KIF18A: variants seen among roughly 807,000 people sequenced by gnomAD.
The protein encoded by KIF18A is kinesin family member 18A.
Under a neutral mutation model 103.3 loss-of-function variants are expected in KIF18A, and 67 were observed. The ratio of observed to expected loss-of-function variants is 0.65; its 90% CI spans 0.53 to 0.79. The LOEUF (loss-of-function observed/expected upper bound fraction) is 0.79. Among genes scored for constraint, KIF18A ranks in the 30% least tolerant of loss-of-function variants. The probability of loss-of-function intolerance (pLI) is 0.00; values close to 1 mark genes in which losing one functional copy is unlikely to be tolerated. For synonymous variants in KIF18A, 367 were observed against 355.5 expected (o/e 1.03, Z -0.36); for missense variants, 1,032 against 1,062.5 (o/e 0.97, Z 0.40).
chr11:28,048,870 T>C (rs1025640635), intron 13 of KIF18A, among the ~76,000 whole-genome samples: 1 of 151,988 alleles, frequency 6.6e-6, no homozygotes, highest in African/African-American at 2.4e-5. Context: ...AAACAAGCAT[T>C]TGAAATTGAT....
chr11:28,039,970 C>T (rs1179087554), intron 13 of KIF18A, among the ~76,000 whole-genome samples: 1 of 151,646 alleles, frequency 6.6e-6, no homozygotes. Flanking sequence ...ACTACTTAGG[C>T]TGATTAGTTG....
At chr11:28,029,638 C>G (rs1450116528) in intron 15 of KIF18A, among the ~76,000 whole-genome samples, 1 of 152,240 alleles carries the variant, frequency 6.6e-6, no homozygotes, top group East Asian at 1.9e-4. Context: ...GATGCCCTCT[C>G]TCACCACTCC....
In KIF18A at chr11:28,107,857, G is replaced by T. The variant is rs138702418; in HGVS notation, c.-47+207C>A. ...CCTGCCCTTCCAGCTGAGCAGTCGAGGATTACGGTCAAGCAGAGCTGTGCT... is the reference window on the plus strand; with the variant it reads ...CCTGCCCTTCCAGCTGAGCAGTCGATGATTACGGTCAAGCAGAGCTGTGCT... On this transcript the variant is annotated intron_variant, in intron 1 of 16. Coordinates refer to ENST00000263181, the MANE Select transcript of KIF18A (RefSeq NM_031217.4). Among the ~76,000 whole-genome samples the T allele has an allele frequency of 3.0e-4, 46 of 152,240 alleles. No homozygotes were observed. In the Middle Eastern group the frequency reaches 0.01, roughly 34 times the overall value.
At position 28,033,121 on chromosome 11, in the gene KIF18A, G is replaced by A. The variant is rs979131870; in HGVS notation, c.2504+2266C>T. 9.2e-5 allele frequency among the ~76,000 whole-genome samples: 14 copies of A among 151,702 alleles called. 1 individual carries two copies. Among genetic ancestry groups the A allele is most frequent in the Non-Finnish European group, 1.9e-4 (13 of 67,870 alleles). On this transcript the variant is annotated intron_variant, in intron 15 of 16. Coordinates refer to ENST00000263181, the MANE Select transcript of KIF18A (RefSeq NM_031217.4). ...TTATGAAAAGGTACTCAACATCACT[G>A]ATTATCAGAAAAATGTAAATCAAAA...
chr11:28,069,617 G>C (rs370531698), intron 10 of KIF18A, among the ~76,000 whole-genome samples, 194 bp from the exon 11 acceptor site: 1 of 151,774 alleles, frequency 6.6e-6, no homozygotes, highest in African/African-American at 2.4e-5. Context: ...ATTGAGCTGT[G>C]AGTCATTTTT....
intron 8 of KIF18A, 54 bp from the exon 9 acceptor site, chr11:28,083,022 C>T (rs1851184751): frequency 1.4e-6 from 2 of 1,450,672 alleles, no homozygotes; most frequent in Non-Finnish European, 1.9e-6. Context: ...TACATGGCCA[C>T]AGCCAAATTT....
At chr11:28,036,180 TAA>T in intron 14 of KIF18A, 35 bp downstream of exon 14, 1 of 1,357,940 alleles carries the variant, frequency 7.4e-7, no homozygotes, top group Non-Finnish European at 1.0e-6. Context: ...AAGTCTATGT[TAA>T]AAAAAAAGAA....
chr11:28,077,324 T>C lies in KIF18A; in HGVS notation c.1263-155A>G, dbSNP rs542975553. 1.6e-4 allele frequency among the ~76,000 whole-genome samples: 25 copies of C among 152,188 alleles called. No individual in the cohort carries two copies. Among genetic ancestry groups the C allele is most frequent in the African/African-American group, 4.8e-4 (20 of 41,458 alleles). On this transcript the variant is annotated intron_variant, in intron 9 of 16. Coordinates refer to ENST00000263181, the MANE Select transcript of KIF18A (RefSeq NM_031217.4). ...AATAGGTAAAAATGACTATTTCCTA[T>C]TATAAAAAATGTTTAGAAAAAGTTA...
chr11:28,036,060 AATTAAT>A (rs2133495834), intron 14 of KIF18A, among the ~76,000 whole-genome samples, 151 bp downstream of exon 14: 1 of 151,648 alleles, frequency 6.6e-6, no homozygotes, highest in African/African-American at 2.4e-5. Flanking sequence ...TTTGTTAGTG[AATTAAT>A]ATTCAGAGAG....
chr11:28,041,450 A>G (rs1030072434), intron 13 of KIF18A, among the ~76,000 whole-genome samples: 1 of 151,748 alleles, frequency 6.6e-6, no homozygotes, highest in South Asian at 2.1e-4. Context: ...AGCTCGAGGA[A>G]AAGAGGCTAG....
chr11:28,035,409 T>C lies in KIF18A; in HGVS notation c.2482A>G (p.Lys828Glu). 5 of 1,599,046 alleles carry C rather than the reference T, an allele frequency of 3.1e-6. No homozygotes were observed. The highest frequency in any genetic ancestry group is 4.3e-6 in the Non-Finnish European group (5 of 1,171,162). ...PSYMAMTTAA[K>E]RKRKLTSSTS... The stretch of plus-strand genomic sequence containing the variant: ...TACCTTGTTAATTTCCGTTTCCTTT[T>C]GGCAGCAGTAGTCATTGCCATGTAG... Residue 828 changes from lysine to glutamate, a missense_variant, in exon 15 of 17, where the codon AAA (lysine) becomes GAA (glutamate). By Grantham distance (56) the Lys-to-Glu change is moderately conservative. Coordinates refer to ENST00000263181, the MANE Select transcript of KIF18A (RefSeq NM_031217.4).
chr11:28,097,906 T>A lies in KIF18A; in HGVS notation c.42A>T (p.Val14=). ...TEEDLCHHMK[V]VVRVRPENTK... Reference sequence around the variant, plus strand: ...TGTTTTCCGGACGTACACGAACTACTACTTTCATATGGTGGCACAGGTCTT... The same window carrying A: ...TGTTTTCCGGACGTACACGAACTACAACTTTCATATGGTGGCACAGGTCTT... The change falls in exon 2 of 17, where the codon GTA becomes GTT. Residue 14 remains valine (V), a synonymous_variant. Transcript: ENST00000263181. The A allele has an allele frequency of 6.2e-7, 1 of 1,601,568 alleles. No individual in the cohort carries two copies. The highest frequency in any genetic ancestry group is 8.5e-7 in the Non-Finnish European group (1 of 1,174,820).
At chr11:28,034,462 A>G (rs1850455094) in intron 15 of KIF18A, among the ~76,000 whole-genome samples, 1 of 151,702 alleles carries the variant, frequency 6.6e-6, no homozygotes, top group African/African-American at 2.4e-5. Flanking sequence ...AGGGATCTCA[A>G]ATAAAATCCT....
chr11:28,105,259 C>T (rs1851489862), intron 1 of KIF18A, among the ~76,000 whole-genome samples: 1 of 152,124 alleles, frequency 6.6e-6, no homozygotes, highest in Admixed American at 6.5e-5. Flanking sequence ...TAAAGTCACA[C>T]AACTGAGGAA....
Position 28,094,786 on chromosome 11 carries a change from C to G in KIF18A, c.340G>C (p.Ala114Pro), listed in dbSNP as rs1411099738. 1 of 1,613,898 alleles carries G rather than the reference C, an allele frequency of 6.2e-7. No individual in the cohort carries two copies. Among genetic ancestry groups the G allele is most frequent in the East Asian group, 2.2e-5 (1 of 44,858 alleles). ...GTGTGGGTCTTCCCAGCACCAGTGG[C>G]ACCATAGGCAAGTACTGAGTTTTTA... is the stretch of plus-strand genomic sequence containing the variant. ...GYNCTVLAYG[A>P]TGAGKTHTML... Residue 114 changes from alanine (A) to proline (P), a missense_variant, in exon 3 of 17, where the codon GCC becomes CCC. By Grantham distance (27) the Ala-to-Pro change is conservative (BLOSUM62 -1). Transcript: ENST00000263181.
At chr11:28,086,344 C>T (rs965858545) in intron 6 of KIF18A, among the ~76,000 whole-genome samples, 4 of 152,124 alleles carry the variant, frequency 2.6e-5, no homozygotes, top group South Asian at 2.1e-4. Flanking sequence ...AGACATTTCT[C>T]CTGAAATCAC....
In KIF18A at chr11:28,097,653, G is replaced by A. The variant is rs772940798; in HGVS notation, c.295C>T (p.Arg99Cys). ...CAATTATATCCATTCAAAAAACTAC[G>A]AAGAATTGGCTTAGTAGTGTGTTCA... The part of the protein sequence containing the change: ...VFEHTTKPIL[R>C]SFLNGYNCTV... Residue 99 changes from arginine to cysteine, a missense_variant, in exon 2 of 17, where the codon CGT (arginine) becomes TGT (cysteine). Transcript: ENST00000263181. 1.1e-5 allele frequency: 18 copies of A among 1,608,810 alleles called. No individual in the cohort carries two copies. In the South Asian group the frequency reaches 1.4e-4, roughly 13 times the overall value.
At chr11:28,077,655 C>T (rs1851111384) in intron 9 of KIF18A, among the ~76,000 whole-genome samples, 1 of 152,110 alleles carries the variant, frequency 6.6e-6, no homozygotes, top group Admixed American at 6.5e-5. Flanking sequence ...ATGGTGCCTC[C>T]ATGGCCCCCT....
chr11:28,031,436 A>C (rs1243878055), intron 15 of KIF18A, among the ~76,000 whole-genome samples: 2 of 152,150 alleles, frequency 1.3e-5, no homozygotes, highest in African/African-American at 2.4e-5. Context: ...CAAGGACAAA[A>C]AACCAAACAC....
Sources: gnomAD v4.1 joint callset for allele counts (sites outside exome capture counted in the v4.1 genomes callset) on GRCh38, gnomAD v4.1.1 for gene constraint, MANE v1.5 for transcripts, NCBI Gene and HGNC (gene_info 2026-07-23, HGNC 2026-07-21) for gene names.